The following STOX2 variants were observed in gnomAD, a reference collection of about 807,000 sequenced individuals.
STOX2 encodes the protein storkhead box 2.
A neutral mutation model predicts 60.9 loss-of-function variants in STOX2; 28 were observed. That is an observed-to-expected ratio of 0.46 (90% CI 0.34 to 0.63). The LOEUF is 0.63. STOX2 is among the 30% of genes least tolerant of loss of function. STOX2 has a pLI of 0.01. For synonymous variants in STOX2, 472 were observed against 463.9 expected, an observed-to-expected ratio of 1.02 and a Z score of -0.22; for missense variants, 1,024 against 1,187.7, an observed-to-expected ratio of 0.86 and a Z score of 2.03.
At chr4:183,955,705 T>C (rs1304955638) in intron 1 of STOX2, among the ~76,000 whole-genome samples, 1 of 152,208 alleles carries the variant, frequency 6.6e-6, no homozygotes, top group Non-Finnish European at 1.5e-5. Context: ...ATATTAATTT[T>C]GGGAGTTTGG....
At position 183,941,528 on chromosome 4, in the gene STOX2, A is replaced by G. The variant is rs180898811; in HGVS notation, c.166+34572A>G. On this transcript the variant is annotated intron_variant, in intron 1 of 3. Coordinates refer to ENST00000308497, the MANE Select transcript of STOX2 (RefSeq NM_020225.3). ...GGCTGCAGTGAGCTGAGATCGCACCACTGCACTCCAGCCTGGGCAACAGAG... is the reference window on the plus strand; with the variant it reads ...GGCTGCAGTGAGCTGAGATCGCACCGCTGCACTCCAGCCTGGGCAACAGAG... Among the ~76,000 whole-genome samples, 547 of 152,338 alleles carry G rather than the reference A, an allele frequency of 3.6e-3. 15 individuals are homozygous for G. Among genetic ancestry groups the G allele is most frequent in the Admixed American group, 0.024 (371 of 15,298 alleles).
chr4:183,881,210 A>G (rs1194485082), intron 1 of STOX2, among the ~76,000 whole-genome samples: 2 of 151,636 alleles, frequency 1.3e-5, no homozygotes. Flanking sequence ...CGTGGAGAAC[A>G]ATAAAAGGCT....
chr4:183,907,159 A>G (rs898731145), intron 1 of STOX2, among the ~76,000 whole-genome samples: 7 of 152,080 alleles, frequency 4.6e-5, no homozygotes, highest in Non-Finnish European at 1.0e-4. Flanking sequence ...TTGGAGAGCT[A>G]TTAGTTAGGT....
chr4:183,976,264 A>G (rs1427302083), intron 1 of STOX2, among the ~76,000 whole-genome samples: 1 of 152,184 alleles, frequency 6.6e-6, no homozygotes, highest in Non-Finnish European at 1.5e-5. Flanking sequence ...GTGAGCCAAG[A>G]TTGCGCCACT....
chr4:183,876,293 A>G (rs543592356), intron 1 of STOX2, among the ~76,000 whole-genome samples: 1 of 152,314 alleles, frequency 6.6e-6, no homozygotes, highest in East Asian at 1.9e-4. Flanking sequence ...GCAGCCTCCC[A>G]GACTGCAAAG....
intron 2 of STOX2, among the ~76,000 whole-genome samples, chr4:184,008,517 A>C (rs986464668): frequency 2.6e-5 from 4 of 152,230 alleles, no homozygotes; most frequent in Non-Finnish European, 5.9e-5. Context: ...GACGCCAAAA[A>C]GGAGAACATT....
intron 1 of STOX2, among the ~76,000 whole-genome samples, chr4:183,951,148 G>A (rs923471106): frequency 2.6e-5 from 4 of 151,298 alleles, no homozygotes; most frequent in African/African-American, 4.9e-5. Context: ...CCGGGAGGTG[G>A]AGCTTGCAGT....
At chr4:183,953,668 C>G (rs1353197384) in intron 1 of STOX2, among the ~76,000 whole-genome samples, 1 of 151,458 alleles carries the variant, frequency 6.6e-6, no homozygotes, top group East Asian at 1.9e-4. Context: ...CGAGTTCAAA[C>G]AATTCTCCTG....
At chr4:183,957,432 G>A (rs1392140932) in intron 1 of STOX2, among the ~76,000 whole-genome samples, 1 of 152,164 alleles carries the variant, frequency 6.6e-6, no homozygotes, top group Non-Finnish European at 1.5e-5. Context: ...TTACAAATGT[G>A]ATATTCGAAT....
rs201307137 is a variant in STOX2, at chr4:183,950,078, TA to T, written c.166+43124del. Among the ~76,000 whole-genome samples, 455 of 152,392 alleles carry T rather than the reference TA, an allele frequency of 3.0e-3. 2 individuals carry two copies. The highest frequency in any genetic ancestry group is 0.01 in the African/African-American group (435 of 41,596). On this transcript the variant is annotated intron_variant, in intron 1 of 3. Coordinates refer to ENST00000308497, the MANE Select transcript of STOX2 (RefSeq NM_020225.3). ...TATTGATTTGCTAACTGCATTGGATTAATCTGCTAACTGCATTACACTCTTA... is the reference window on the plus strand; with the variant it reads ...TATTGATTTGCTAACTGCATTGGATTATCTGCTAACTGCATTACACTCTTA...
intron 1 of STOX2, among the ~76,000 whole-genome samples, chr4:183,891,418 T>C (rs748883216): frequency 2.9e-5 from 4 of 135,688 alleles, no homozygotes; most frequent in Non-Finnish European, 6.2e-5. Context: ...GATGGAATAC[T>C]ACTCATCCAT....
intron 1 of STOX2, among the ~76,000 whole-genome samples, chr4:183,935,063 A>G (rs1396955385): frequency 6.6e-6 from 1 of 152,266 alleles, no homozygotes; most frequent in East Asian, 1.9e-4. Context: ...TCCAGTTGTA[A>G]TCCTGGAAAA....
intron 1 of STOX2, among the ~76,000 whole-genome samples, chr4:183,946,846 C>T (rs187714730): frequency 7.9e-5 from 12 of 152,228 alleles, no homozygotes; most frequent in Admixed American, 7.2e-4. Context: ...AGGCTGGTCT[C>T]GAACTCCTGA....
rs529466458 is a variant in STOX2 at position 183,876,334 on chromosome 4, C to T, written c.364+78279C>T. Among the ~76,000 whole-genome samples the T allele has an allele frequency of 7.2e-4, 110 of 152,306 alleles. 2 individuals are homozygous for T. The highest frequency in any genetic ancestry group is 2.6e-3 in the African/African-American group (108 of 41,568). ...GCGTAATGGCTTTCCAGAGAGTGTG[C>T]AGCAGGCCCGGGAGGCCTGGGCTCC... is the stretch of plus-strand genomic sequence containing the variant. On this transcript the variant is annotated intron_variant, in intron 1 of 2. Coordinates refer to the STOX2 transcript ENST00000513034.
chr4:183,949,838 T>C (rs1743016065), intron 1 of STOX2, among the ~76,000 whole-genome samples: 1 of 152,242 alleles, frequency 6.6e-6, no homozygotes, highest in South Asian at 2.1e-4. Flanking sequence ...GTTTAGACAT[T>C]TAGCCAAGTC....
intron 1 of STOX2, among the ~76,000 whole-genome samples, chr4:183,835,513 C>T (rs989084912): frequency 2.0e-5 from 3 of 152,138 alleles, no homozygotes; most frequent in Non-Finnish European, 2.9e-5. Context: ...CGTGAGCCAC[C>T]GTGCCTGGCC....
At chr4:184,008,818 G>A (rs1733997515) in intron 2 of STOX2, among the ~76,000 whole-genome samples, 1 of 152,068 alleles carries the variant, frequency 6.6e-6, no homozygotes, top group African/African-American at 2.4e-5. Flanking sequence ...CATATCATGG[G>A]AAACATTTTT....
At chr4:183,996,641 T>G (rs911026318) in intron 1 of STOX2, among the ~76,000 whole-genome samples, 2 of 152,210 alleles carry the variant, frequency 1.3e-5, no homozygotes, top group Non-Finnish European at 2.9e-5. Flanking sequence ...GAATAATGTT[T>G]ATGTTGTGTT....
chr4:183,910,045 A>G (rs1741734589), intron 1 of STOX2, among the ~76,000 whole-genome samples: 1 of 152,230 alleles, frequency 6.6e-6, no homozygotes, highest in South Asian at 2.1e-4. Context: ...AATCCTAAGA[A>G]TTCATGAGCT....
Sources: allele counts gnomAD v4.1 joint callset (sites outside exome capture counted in the v4.1 genomes callset), GRCh38; gene constraint gnomAD v4.1.1; transcripts MANE v1.5; gene names NCBI Gene and HGNC (gene_info 2026-07-23, HGNC 2026-07-21).